The following CFAP299 variants were observed in gnomAD, a reference collection of about 807,000 sequenced individuals.
CFAP299 encodes cilia- and flagella-associated protein 299.
Under a neutral mutation model 27.0 loss-of-function variants are expected in CFAP299, and 21 were observed. The ratio of observed to expected loss-of-function variants is 0.78; its 90% confidence interval spans 0.55 to 1.12. The LOEUF (loss-of-function observed/expected upper bound fraction) is 1.12. CFAP299 is among the 50% of genes most tolerant of loss of function. CFAP299 has a pLI of 0.00. For missense variants in CFAP299, 310 were observed against 276.6 expected, an observed-to-expected ratio of 1.12 and a Z score of -0.86; for synonymous variants, 104 against 98.1, an observed-to-expected ratio of 1.06 and a Z score of -0.36.
At chr4:80,560,979 CAG>C (rs1735012583) in intron 2 of CFAP299, among the ~76,000 whole-genome samples, 1 of 152,090 alleles carries the variant, frequency 6.6e-6, no homozygotes, top group Non-Finnish European at 1.5e-5. Flanking sequence ...TAGGCTTAGC[CAG>C]AGAGTGGTTA....
intron 3 of CFAP299, among the ~76,000 whole-genome samples, chr4:80,868,897 T>C (rs1046713689): frequency 4.2e-5 from 6 of 141,226 alleles, no homozygotes; most frequent in Non-Finnish European, 7.6e-5. Flanking sequence ...GGGTGGGGGC[T>C]TCTCTCTCTG....
At chr4:80,386,162 G>A (rs865859794) in intron 2 of CFAP299, 1 of 603,474 alleles carries the variant, frequency 1.7e-6, no homozygotes, top group Non-Finnish European at 2.7e-6. Context: ...CCCAGGAAAC[G>A]AACACCCCGG....
Position 80,335,860 on chromosome 4 carries a change from T to C in CFAP299, c.92T>C (p.Val31Ala). 1 of 1,610,672 alleles carries C rather than the reference T, an allele frequency of 6.2e-7. No individual in the cohort carries two copies. Among genetic ancestry groups the C allele is most frequent in the Non-Finnish European group, 8.5e-7 (1 of 1,176,774 alleles). Residue 31 changes from valine (V) to alanine (A), a missense_variant, in exon 1 of 6, where the codon GTG (valine) becomes GCG (alanine). By Grantham distance (64) the Val-to-Ala change is moderately conservative (BLOSUM62 0). Coordinates refer to ENST00000358105, the MANE Select transcript of CFAP299 (RefSeq NM_152770.3). ...EDFLDSQITT[V>A]DLYYLEDETL... ...TTCCTGGACTCGCAGATCACTACTG[T>C]GGACTTGTACTACCTGGAGGTAAGG... is the stretch of plus-strand genomic sequence containing the variant.
intron 2 of CFAP299, among the ~76,000 whole-genome samples, chr4:80,579,834 A>T (rs1004742887): frequency 9.2e-5 from 14 of 152,248 alleles, no homozygotes; most frequent in Admixed American, 4.6e-4. Flanking sequence ...TATATAATTT[A>T]AAAAACCTTG....
intron 3 of CFAP299, among the ~76,000 whole-genome samples, chr4:80,589,434 A>G (rs935975785): frequency 1.3e-5 from 2 of 152,226 alleles, no homozygotes; most frequent in African/African-American, 4.8e-5. Flanking sequence ...TTTATTTAAC[A>G]AAATGCTAAA....
intron 2 of CFAP299, among the ~76,000 whole-genome samples, chr4:80,410,303 G>C (rs942761656): frequency 2.0e-5 from 3 of 152,170 alleles, no homozygotes; most frequent in African/African-American, 7.2e-5. Flanking sequence ...GATTTTCAAA[G>C]GTAGGAATAG....
At chr4:80,651,418 T>C (rs1740287310) in intron 3 of CFAP299, among the ~76,000 whole-genome samples, 1 of 150,334 alleles carries the variant, frequency 6.7e-6, no homozygotes, top group Non-Finnish European at 1.5e-5. Context: ...CAGGCTTGAC[T>C]GCAGTGGCAC....
intron 4 of CFAP299, among the ~76,000 whole-genome samples, chr4:80,938,776 G>A (rs1214257105): frequency 6.6e-6 from 1 of 152,178 alleles, no homozygotes; most frequent in Non-Finnish European, 1.5e-5. Flanking sequence ...TTTACTGAGT[G>A]TTCTTTTGTT....
rs993652811 is a variant in CFAP299, at chr4:80,654,325, G to C, written c.333+71142G>C. Among the ~76,000 whole-genome samples the C allele has an allele frequency of 3.3e-5, 5 of 151,988 alleles. No individual in the cohort carries two copies. The East Asian group carries it at 9.6e-4, about 29-fold the overall frequency. On this transcript the variant is annotated intron_variant, in intron 3 of 5. Coordinates refer to ENST00000358105, the MANE Select transcript of CFAP299 (RefSeq NM_152770.3). ...AGCAGATATTTTGGTGGTATTTATTGGTCTGGAAGATTTCTCATGGAATTT... is the reference window on the plus strand; with the variant it reads ...AGCAGATATTTTGGTGGTATTTATTCGTCTGGAAGATTTCTCATGGAATTT...
chr4:80,957,725 C>A (rs1046294657), intron 5 of CFAP299, among the ~76,000 whole-genome samples: 3 of 152,062 alleles, frequency 2.0e-5, no homozygotes, highest in Admixed American at 1.3e-4. Flanking sequence ...AGTGAGAAAA[C>A]CTAAATGAGT....
At chr4:80,462,551 G>T (rs1245563285) in intron 2 of CFAP299, among the ~76,000 whole-genome samples, 1 of 152,072 alleles carries the variant, frequency 6.6e-6, no homozygotes, top group Non-Finnish European at 1.5e-5. Flanking sequence ...ACAGAGTTTG[G>T]GTTTTATCTC....
intron 3 of CFAP299, among the ~76,000 whole-genome samples, chr4:80,839,623 G>A (rs532384732): frequency 2.6e-5 from 4 of 151,636 alleles, no homozygotes; most frequent in Admixed American, 6.6e-5. Context: ...TAAGCAGATA[G>A]AAAATAATTC....
chr4:80,378,346 A>G (rs1034839042), intron 2 of CFAP299, among the ~76,000 whole-genome samples: 11 of 152,298 alleles, frequency 7.2e-5, no homozygotes, highest in African/African-American at 2.6e-4. Context: ...TGTATGCAGA[A>G]GATCATAAAT....
chr4:80,513,468 G>A (rs1732420370), intron 2 of CFAP299, among the ~76,000 whole-genome samples: 1 of 152,056 alleles, frequency 6.6e-6, no homozygotes, highest in East Asian at 1.9e-4. Flanking sequence ...TAAAATGCAA[G>A]CCCACAGTTT....
chr4:80,429,263 G>T (rs1179701002), intron 2 of CFAP299, among the ~76,000 whole-genome samples: 1 of 152,074 alleles, frequency 6.6e-6, no homozygotes, highest in Non-Finnish European at 1.5e-5. Flanking sequence ...AACAATAAGG[G>T]CACATTTAAT....
chr4:80,815,596 T>C (rs1370503564), intron 3 of CFAP299, among the ~76,000 whole-genome samples: 2 of 152,038 alleles, frequency 1.3e-5, no homozygotes, highest in African/African-American at 4.8e-5. Flanking sequence ...AAATATAAGG[T>C]AGTAAACATA....
intron 3 of CFAP299, among the ~76,000 whole-genome samples, chr4:80,765,525 G>C (rs575892423): frequency 6.6e-6 from 1 of 151,886 alleles, no homozygotes; most frequent in Admixed American, 6.6e-5. Context: ...ATTTGATTGA[G>C]AATCTAAAAA....
rs1427134764 is a variant in CFAP299 at position 80,758,514 on chromosome 4, G to A, written c.334-111479G>A. Among the ~76,000 whole-genome samples the A allele has an allele frequency of 2.4e-4, 36 of 152,102 alleles. 1 individual carries two copies. Among genetic ancestry groups the A allele is most frequent in the Non-Finnish European group, 2.9e-5 (2 of 68,016 alleles). On this transcript the variant is annotated intron_variant, in intron 3 of 5. Coordinates refer to ENST00000358105, the MANE Select transcript of CFAP299 (RefSeq NM_152770.3). ...TTTGAGCTGGAAAACAGGGATGTACGTTGTCACTTTGGGCCATGGTTCCAG... is the reference window on the plus strand; with the variant it reads ...TTTGAGCTGGAAAACAGGGATGTACATTGTCACTTTGGGCCATGGTTCCAG...
chr4:80,756,771 C>T (rs1375631653), intron 3 of CFAP299, among the ~76,000 whole-genome samples: 1 of 151,910 alleles, frequency 6.6e-6, no homozygotes, highest in East Asian at 1.9e-4. Flanking sequence ...TATTATCTAT[C>T]CATTTACAGA....
Sources: allele counts gnomAD v4.1 joint callset (sites outside exome capture counted in the v4.1 genomes callset), GRCh38; gene constraint gnomAD v4.1.1; transcripts MANE v1.5; gene names NCBI Gene and HGNC (gene_info 2026-07-23, HGNC 2026-07-21).